ABCG2: variants seen among roughly 807,000 people sequenced by gnomAD.
The protein encoded by ABCG2 is ATP binding cassette subfamily G member 2 (JR blood group).
A neutral mutation model predicts 73.5 loss-of-function variants in ABCG2; 80 were observed. That is an observed-to-expected ratio of 1.09 (90% CI 0.91 to 1.31). The LOEUF (loss-of-function observed/expected upper bound fraction) is 1.31, where lower values mean the gene tolerates loss of function less well. Ranked by LOEUF, ABCG2 falls within the 50% of genes most tolerant of loss-of-function variation. The probability of loss-of-function intolerance (pLI) is 0.00; values close to 1 mark genes in which losing one functional copy is unlikely to be tolerated. For synonymous variants in ABCG2, 269 were observed against 282.4 expected, an observed-to-expected ratio of 0.95 and a Z score of 0.48; for missense variants, 796 against 786.2, an observed-to-expected ratio of 1.01 and a Z score of -0.15.
chr4:88,215,814 G>A (rs1409582214), intron 1 of ABCG2, among the ~76,000 whole-genome samples: 1 of 152,124 alleles, frequency 6.6e-6, no homozygotes, highest in Non-Finnish European at 1.5e-5. Context: ...TGACATCTAG[G>A]CAGAAAAAAA....
At position 88,212,234 on chromosome 4, in the gene ABCG2, G is replaced by C. The variant is rs568387623; in HGVS notation, c.-20+18760C>G. Among the ~76,000 whole-genome samples, 70 of 152,242 alleles carry C rather than the reference G, an allele frequency of 4.6e-4. No individual in the cohort carries two copies. In the South Asian group the frequency reaches 4.8e-3, roughly 10 times the overall value. On this transcript the variant is annotated intron_variant, in intron 1 of 15. Coordinates refer to the ABCG2 transcript ENST00000515655. Reference sequence around the variant, plus strand: ...TACCAAAAAATATGAACATCCCAAAGTGGATCATCTAATAACTTTCCCCAG... The same window carrying C: ...TACCAAAAAATATGAACATCCCAAACTGGATCATCTAATAACTTTCCCCAG...
At chr4:88,146,683 C>T (rs1453786307) in intron 1 of ABCG2, among the ~76,000 whole-genome samples, 1 of 152,038 alleles carries the variant, frequency 6.6e-6, no homozygotes, top group East Asian at 1.9e-4. Flanking sequence ...CATGAGTCAC[C>T]GTGCTTGGCT....
intron 1 of ABCG2, among the ~76,000 whole-genome samples, chr4:88,171,040 T>G (rs1239541397): frequency 3.9e-5 from 6 of 152,082 alleles, no homozygotes; most frequent in Non-Finnish European, 8.8e-5. Context: ...ATATCACATG[T>G]TCTCACTTAT....
intron 1 of ABCG2, among the ~76,000 whole-genome samples, chr4:88,210,883 G>A (rs1729564050): frequency 6.6e-6 from 1 of 151,886 alleles, no homozygotes; most frequent in Non-Finnish European, 1.5e-5. Context: ...TTTTTTCAAG[G>A]AATAACAGAA....
chr4:88,196,804 C>T (rs1011826070), intron 1 of ABCG2, among the ~76,000 whole-genome samples: 3 of 151,536 alleles, frequency 2.0e-5, no homozygotes, highest in African/African-American at 7.3e-5. Context: ...AAAAAAAATC[C>T]CCTTTAGCAT....
At chr4:88,179,372 C>T (rs1320240409) in intron 1 of ABCG2, among the ~76,000 whole-genome samples, 1 of 152,158 alleles carries the variant, frequency 6.6e-6, no homozygotes, top group African/African-American at 2.4e-5. Context: ...GAAGATGTGA[C>T]TACAGTGACA....
chr4:88,201,703 G>A (rs930327492), intron 1 of ABCG2: 4 of 152,198 alleles, frequency 2.6e-5, no homozygotes, highest in Non-Finnish European at 4.4e-5. Flanking sequence ...TGCAATATCT[G>A]TGCTTGCTTT....
At chr4:88,122,343 G>GTT (rs35904062) in intron 5 of ABCG2, among the ~76,000 whole-genome samples, 29,968 of 151,940 alleles carry the variant, frequency 0.2, 3,944 homozygotes, top group Non-Finnish European at 0.29. Flanking sequence ...AAAAGGGGCT[G>GTT]AAGCCAGGGA....
intron 4 of ABCG2, 40 bp from the exon 5 acceptor site, chr4:88,131,253 G>A: frequency 6.3e-7 from 1 of 1,595,850 alleles, no homozygotes; most frequent in Non-Finnish European, 8.6e-7. Context: ...TAATGATAAT[G>A]AGTCTTTTCT....
At position 88,099,421 on chromosome 4, in the gene ABCG2, TCTGTAGTATCCG is replaced by T. The variant is rs1378762612; in HGVS notation, c.1383_1394del (p.Ser461_Tyr464del). ...GTTTTCCAAGGAAATAAGATGACACTCTGTAGTATCCGCTGATGTATTCATGTCTATAGAACA... is the reference window on the plus strand; with the variant it reads ...GTTTTCCAAGGAAATAAGATGACACTCTGATGTATTCATGTCTATAGAACA... On this transcript the variant is annotated inframe_deletion, in exon 12 of 16. Coordinates refer to ENST00000237612, the MANE Select transcript of ABCG2 (RefSeq NM_004827.3). 6.2e-7 allele frequency: 1 copy of T among 1,609,424 alleles called. No individual in the cohort carries two copies. Among genetic ancestry groups the T allele is most frequent in the Admixed American group, 1.7e-5 (1 of 59,028 alleles).
At position 88,177,723 on chromosome 4, in the gene ABCG2, C is replaced by T. The variant is rs527685318; in HGVS notation, c.-19-37709G>A. Reference sequence around the variant, plus strand: ...GACACCACCCCTCCCCAATCTCTCTCGGCAGTGGCCACATACCATGGAGAG... The same window carrying T: ...GACACCACCCCTCCCCAATCTCTCTTGGCAGTGGCCACATACCATGGAGAG... On this transcript the variant is annotated intron_variant, in intron 1 of 15. Coordinates refer to the ABCG2 transcript ENST00000515655. Among the ~76,000 whole-genome samples the T allele has an allele frequency of 3.3e-5, 5 of 152,260 alleles. No homozygotes were observed. The South Asian group carries it at 1.0e-3, about 32-fold the overall frequency.
chr4:88,115,284 A>ATATTATTT (rs58774529), intron 7 of ABCG2, among the ~76,000 whole-genome samples: 1 of 73,176 alleles, frequency 1.4e-5, no homozygotes, highest in Non-Finnish European at 2.6e-5. Context: ...ATATATATAT[A>ATATTATTT]ATTTATTTAT....
intron 1 of ABCG2, among the ~76,000 whole-genome samples, chr4:88,187,033 G>GCAGTGAA (rs1478931459): frequency 2.1e-5 from 3 of 140,810 alleles, no homozygotes; most frequent in Non-Finnish European, 4.5e-5. Context: ...GGCAGAGGTT[G>GCAGTGAA]CAGTGAACTG....
intron 1 of ABCG2, among the ~76,000 whole-genome samples, chr4:88,153,212 G>A (rs547373391): frequency 1.4e-3 from 55 of 40,172 alleles, no homozygotes; most frequent in Admixed American, 5.0e-3. Context: ...AGTGTAAACC[G>A]GCAGTGTAAA....
At chr4:88,203,837 T>C (rs1242671287) in intron 1 of ABCG2, among the ~76,000 whole-genome samples, 1 of 151,822 alleles carries the variant, frequency 6.6e-6, no homozygotes. Context: ...CAACTACATT[T>C]TTCTGATATT....
At chr4:88,163,361 T>C (rs1727388599), upstream of ABCG2, among the ~76,000 whole-genome samples, 2 of 152,148 alleles carry the variant, frequency 1.3e-5, no homozygotes, top group African/African-American at 4.8e-5. Flanking sequence ...CTAGAGGCTA[T>C]CTTAGGGTTC....
chr4:88,101,129 TC>T (rs1277827487), intron 11 of ABCG2, 100 bp downstream of exon 11: 2 of 860,126 alleles, frequency 2.3e-6, no homozygotes, highest in East Asian at 5.1e-5. Flanking sequence ...GTACTGGTAA[TC>T]CTCCGGATCC....
At chr4:88,224,691 A>T (rs910863797) in intron 1 of ABCG2, among the ~76,000 whole-genome samples, 10 of 151,874 alleles carry the variant, frequency 6.6e-5, no homozygotes, top group Non-Finnish European at 1.3e-4. Flanking sequence ...AAAGTTTTAA[A>T]TTTTTTTTAA....
chr4:88,127,959 G>GAAA (rs201520311), intron 5 of ABCG2, among the ~76,000 whole-genome samples: 1 of 132,882 alleles, frequency 7.5e-6, no homozygotes, highest in Non-Finnish European at 1.6e-5. Context: ...AAAAAAGAAA[G>GAAA]AAAAAAAAAA....
Sources: allele counts gnomAD v4.1 joint callset (sites outside exome capture counted in the v4.1 genomes callset), GRCh38; gene constraint gnomAD v4.1.1; transcripts MANE v1.5; gene names NCBI Gene and HGNC (gene_info 2026-07-23, HGNC 2026-07-21).